Variants in ADGB observed in about 807,000 individuals in gnomAD.
The protein encoded by ADGB is calpain-7-like protein.
In ADGB, 172 loss-of-function variants were observed where a neutral mutation model predicts 210.5. The observed-to-expected ratio is 0.82, with a 90% CI of 0.72 to 0.93. The LOEUF (loss-of-function observed/expected upper bound fraction) is 0.93. Ranked by LOEUF, ADGB falls within the 40% of genes least tolerant of loss-of-function variation. ADGB has a pLI of 0.00. For missense variants in ADGB, 2,025 were observed against 1,964.8 expected, an observed-to-expected ratio of 1.03 and a Z score of -0.58; for synonymous variants, 658 against 662.7, an observed-to-expected ratio of 0.99 and a Z score of 0.11.
chr6:146,687,657 A>G (rs1583590298), intron 10 of ADGB, among the ~76,000 whole-genome samples: 3 of 152,104 alleles, frequency 2.0e-5, no homozygotes, highest in Admixed American at 2.0e-4. Flanking sequence ...GATGGGGTTG[A>G]GGGGAGGGAA....
intron 1 of ADGB, among the ~76,000 whole-genome samples, chr6:146,630,848 T>C (rs1781054830): frequency 6.6e-6 from 1 of 152,098 alleles, no homozygotes; most frequent in African/African-American, 2.4e-5. Context: ...GAGACTTGAG[T>C]AGGTTTGTGA....
At chr6:146,603,745 G>A (rs1354445500) in intron 1 of ADGB, among the ~76,000 whole-genome samples, 2 of 152,034 alleles carry the variant, frequency 1.3e-5, no homozygotes, top group Non-Finnish European at 2.9e-5. Context: ...TATGAAATTT[G>A]AAAATGATAC....
At chr6:146,750,142 A>G (rs9497619) in intron 26 of ADGB, among the ~76,000 whole-genome samples, 75,145 of 151,992 alleles carry the variant, frequency 0.49, 19,896 homozygotes, top group African/African-American at 0.68. Context: ...TGGACTGCAA[A>G]GTGGGCTGAA....
chr6:146,643,252 A>G (rs1467347165), intron 2 of ADGB, among the ~76,000 whole-genome samples: 3 of 151,208 alleles, frequency 2.0e-5, no homozygotes, highest in Non-Finnish European at 2.9e-5. Context: ...CCAGATAAAC[A>G]TATATACTTA....
chr6:146,811,730 G>A (rs1490402903), intron 35 of ADGB, among the ~76,000 whole-genome samples: 3 of 152,092 alleles, frequency 2.0e-5, no homozygotes, highest in East Asian at 1.9e-4. Context: ...GGAGTGCAAT[G>A]GTGTGACCTC....
At chr6:146,667,882 C>T (rs139854843) in intron 7 of ADGB, among the ~76,000 whole-genome samples, 3 of 152,142 alleles carry the variant, frequency 2.0e-5, no homozygotes, top group East Asian at 1.9e-4. Flanking sequence ...AGGTGTACAT[C>T]ATTTCAAATG....
rs568245159 is a variant in ADGB at position 146,689,415 on chromosome 6, T to C, written c.1312-1701T>C. 1.1e-4 allele frequency among the ~76,000 whole-genome samples: 17 copies of C among 152,254 alleles called. No individual in the cohort carries two copies. In the East Asian group the frequency reaches 3.3e-3, roughly 29 times the overall value. ...AGTATGTAGAATTGCTGTATTTAAA[T>C]TTCTTGTGCCAAAATCATGTTAGTA... On this transcript the variant is annotated intron_variant, in intron 10 of 35. Transcript: ENST00000397944.
Position 146,599,091 on chromosome 6 carries a change from G to A in ADGB, c.51G>A (p.Ala17=). The A allele has an allele frequency of 6.4e-7, 1 of 1,551,720 alleles. No individual in the cohort carries two copies. The highest frequency in any genetic ancestry group is 1.2e-5 in the South Asian group (1 of 84,068). ...KKKEVHRINS[A]HGSDKSKDFY... The stretch of plus-strand genomic sequence containing the variant: ...AAGAGGTGCATCGTATCAACTCGGC[G>A]CACGGATCGGATAAATCGAAAGAGT... The change falls in exon 1 of 36, where the codon GCG becomes GCA. Residue 17 remains alanine, a synonymous_variant. Coordinates refer to ENST00000397944, the MANE Select transcript of ADGB (RefSeq NM_024694.4).
chr6:146,784,598 A>G lies in ADGB; in HGVS notation c.4036-20A>G. 2.7e-6 allele frequency: 4 copies of G among 1,495,496 alleles called. No homozygotes were observed. Among genetic ancestry groups the G allele is most frequent in the Non-Finnish European group, 8.9e-7 (1 of 1,121,838 alleles). The allele number at this position is 1,495,496 out of a possible 1,614,324, so 92.6% of individuals were successfully genotyped here. On this transcript the variant is annotated intron_variant, in intron 30 of 35. Coordinates refer to ENST00000397944, the MANE Select transcript of ADGB (RefSeq NM_024694.4). ...GAAAGAAGGAAAGCATGCAAAACCCAAAGGTTTTTATTTTATCAGATATCC... is the reference window on the plus strand; with the variant it reads ...GAAAGAAGGAAAGCATGCAAAACCCGAAGGTTTTTATTTTATCAGATATCC...
In ADGB at chr6:146,745,979, C is replaced by T. The variant is rs1040079354; in HGVS notation, c.3235C>T (p.Arg1079Ter). Residue 1079 changes from arginine (R) to a stop codon, truncating the protein, a stop_gained, in exon 26 of 36, where the codon CGA (arginine) becomes TGA (stop). Transcript: ENST00000397944. LOFTEE classifies it high-confidence loss of function. ...FTGDTYVAAS[R>*]WKLRLIGSSA... Reference sequence around the variant, plus strand: ...AGGCGACACATATGTAGCAGCCTCACGATGGAAACTGCGTCTCATCGGTTC... The same window carrying T: ...AGGCGACACATATGTAGCAGCCTCATGATGGAAACTGCGTCTCATCGGTTC... 4.5e-6 allele frequency: 7 copies of T among 1,551,206 alleles called. No individual in the cohort carries two copies. Among genetic ancestry groups the T allele is most frequent in the South Asian group, 1.2e-5 (1 of 84,016 alleles).
intron 13 of ADGB, among the ~76,000 whole-genome samples, chr6:146,704,677 T>A (rs1272248083): frequency 1.3e-5 from 2 of 152,124 alleles, no homozygotes; most frequent in African/African-American, 4.8e-5. Context: ...CTGTTTGGGT[T>A]ACTATAGCTT....
intron 3 of ADGB, among the ~76,000 whole-genome samples, chr6:146,650,345 A>G (rs1775682241): frequency 6.6e-6 from 1 of 152,086 alleles, no homozygotes; most frequent in African/African-American, 2.4e-5. Context: ...ATAACAGCAG[A>G]TTCAAAACAG....
chr6:146,647,515 A>G (rs1775637320), intron 3 of ADGB, among the ~76,000 whole-genome samples: 1 of 152,106 alleles, frequency 6.6e-6, no homozygotes, highest in South Asian at 2.1e-4. Context: ...TTTAGTAACT[A>G]CATGAGAGGT....
Position 146,716,956 on chromosome 6 carries a change from A to G in ADGB, c.1815A>G (p.Ile605Met). Reference protein sequence around the residue: ...QSDGLNLEREIVSQTTATQEK... With the variant: ...QSDGLNLEREMVSQTTATQEK... ...ATGGATTAAACTTGGAAAGAGAGAT[A>G]GTCAGCCAGACCACAGCAACACAGG... The change falls in exon 15 of 36, where the codon ATA (isoleucine) becomes ATG (methionine). Residue 605 changes from isoleucine to methionine, a missense_variant. Coordinates refer to ENST00000397944, the MANE Select transcript of ADGB (RefSeq NM_024694.4). 1 of 1,551,592 alleles carries G rather than the reference A, an allele frequency of 6.4e-7. No homozygotes were observed.
chr6:146,717,450 C>T, intron 15 of ADGB, 86 bp from the exon 16 acceptor site: 8 of 736,492 alleles, frequency 1.1e-5, no homozygotes, highest in Non-Finnish European at 1.5e-5. Context: ...TTTCTTCCTA[C>T]AATAATTTGA....
At chr6:146,755,901 T>A (rs1193506026) in intron 27 of ADGB, among the ~76,000 whole-genome samples, 1 of 152,140 alleles carries the variant, frequency 6.6e-6, no homozygotes, top group Non-Finnish European at 1.5e-5. Flanking sequence ...CTGTTATTTT[T>A]CTATATGTAA....
chr6:146,765,353 A>G (rs1387559148), intron 28 of ADGB, among the ~76,000 whole-genome samples: 2 of 152,098 alleles, frequency 1.3e-5, no homozygotes, highest in Admixed American at 6.6e-5. Flanking sequence ...ATTTGAAAAA[A>G]AAATCTAAAT....
chr6:146,808,251 C>G (rs1283383712), intron 35 of ADGB, among the ~76,000 whole-genome samples: 1 of 152,088 alleles, frequency 6.6e-6, no homozygotes, highest in Non-Finnish European at 1.5e-5. Context: ...CTGCGCGCAT[C>G]GGCCTCCCAA....
chr6:146,809,530 C>T lies in ADGB; in HGVS notation c.4819-5502C>T, dbSNP rs566675354. 1.3e-3 allele frequency among the ~76,000 whole-genome samples: 194 copies of T among 152,058 alleles called. 2 individuals carry two copies. The highest frequency in any genetic ancestry group is 4.5e-3 in the African/African-American group (185 of 41,480). On this transcript the variant is annotated intron_variant, in intron 35 of 35. Coordinates refer to ENST00000397944, the MANE Select transcript of ADGB (RefSeq NM_024694.4). The stretch of plus-strand genomic sequence containing the variant: ...CAATTTCTGTATTTTTTTGTAGAGA[C>T]GGGGTTTCACCATGTTTCCCAGGCT...
Sources: allele counts gnomAD v4.1 joint callset (sites outside exome capture counted in the v4.1 genomes callset), GRCh38; gene constraint gnomAD v4.1.1; transcripts MANE v1.5; gene names NCBI Gene and HGNC (gene_info 2026-07-23, HGNC 2026-07-21).